LINGO2: variants seen among roughly 807,000 people sequenced by gnomAD.
The protein encoded by LINGO2 is leucine-rich repeat and immunoglobulin-like domain-containing nogo receptor-interacting protein 2.
In LINGO2, 14 loss-of-function variants were observed where a neutral mutation model predicts 30.6. The observed-to-expected ratio is 0.46, with a 90% CI of 0.30 to 0.72. The LOEUF (loss-of-function observed/expected upper bound fraction) is 0.72, where lower values mean the gene tolerates loss of function less well. Ranked by LOEUF, LINGO2 falls within the 30% of genes least tolerant of loss-of-function variation. The probability of loss-of-function intolerance (pLI) is 0.07; values close to 1 mark genes in which losing one functional copy is unlikely to be tolerated. For synonymous variants in LINGO2, 317 were observed against 288.5 expected, an observed-to-expected ratio of 1.10 and a Z score of -1.00; for missense variants, 729 against 751.7, an observed-to-expected ratio of 0.97 and a Z score of 0.35.
chr9:28,426,263 T>C (rs545237157), intron 2 of LINGO2, among the ~76,000 whole-genome samples: 2 of 152,168 alleles, frequency 1.3e-5, no homozygotes, highest in East Asian at 1.9e-4. Flanking sequence ...TCCCTCCCTA[T>C]AGGTTTGCCT....
intron 4 of LINGO2, among the ~76,000 whole-genome samples, chr9:28,107,125 A>G (rs1024517588): frequency 6.6e-6 from 1 of 151,998 alleles, no homozygotes; most frequent in African/African-American, 2.4e-5. Context: ...GCTGCCTTCT[A>G]TTATACGTTC....
At position 28,637,137 on chromosome 9, in the gene LINGO2, T is replaced by G. The variant is rs759744369; in HGVS notation, c.-365+33063A>C. 2.8e-4 allele frequency among the ~76,000 whole-genome samples: 43 copies of G among 152,176 alleles called. 2 individuals carry two copies. Among genetic ancestry groups the G allele is most frequent in the Non-Finnish European group, 5.1e-4 (35 of 68,028 alleles). ...GTCAAAGATCAGATGGTTGTAGATATGTGGCATTATTTTTCAGGGCTCTGT... is the reference window on the plus strand; with the variant it reads ...GTCAAAGATCAGATGGTTGTAGATAGGTGGCATTATTTTTCAGGGCTCTGT... On this transcript the variant is annotated intron_variant, in intron 1 of 5. Coordinates refer to ENST00000379992, the Ensembl canonical transcript of LINGO2.
At chr9:28,813,827 T>C in the LINGO2 span, among the ~76,000 whole-genome samples, 1 of 152,152 alleles carries the variant, frequency 6.6e-6, no homozygotes, top group African/African-American at 2.4e-5. Context: ...GATCTAGCCA[T>C]GCAAAGGGTT....
chr9:28,640,018 G>C (rs377455440), intron 1 of LINGO2, among the ~76,000 whole-genome samples: 4 of 152,058 alleles, frequency 2.6e-5, no homozygotes, highest in South Asian at 2.1e-4. Flanking sequence ...CAGGCCTGGT[G>C]GTGACAAAAT....
chr9:29,067,626 G>A, the LINGO2 span, among the ~76,000 whole-genome samples: 1 of 151,372 alleles, frequency 6.6e-6, no homozygotes, highest in African/African-American at 2.4e-5. Context: ...AGTGTGCTAT[G>A]TTGGAAATAC....
At chr9:28,536,442 A>G (rs960909371) in intron 1 of LINGO2, among the ~76,000 whole-genome samples, 1 of 152,128 alleles carries the variant, frequency 6.6e-6, no homozygotes, top group African/African-American at 2.4e-5. Context: ...CTGCAAAAAT[A>G]TAGCTGCCAT....
chr9:28,914,634 G>C, the LINGO2 span, among the ~76,000 whole-genome samples: 1 of 151,980 alleles, frequency 6.6e-6, no homozygotes, highest in Admixed American at 6.6e-5. Flanking sequence ...ATATTTGCAG[G>C]ATGTGAAACC....
At chr9:28,529,606 C>CTTTT (rs201066699) in intron 1 of LINGO2, among the ~76,000 whole-genome samples, 7 of 125,304 alleles carry the variant, frequency 5.6e-5, no homozygotes, top group African/African-American at 2.0e-4. Flanking sequence ...ATTGCAAATA[C>CTTTT]TTTTTTTTTT....
intron 4 of LINGO2, among the ~76,000 whole-genome samples, chr9:28,206,060 G>C (rs1820397068): frequency 6.6e-6 from 1 of 151,324 alleles, no homozygotes; most frequent in Non-Finnish European, 1.5e-5. Flanking sequence ...AGTTACTCAG[G>C]AGGCTGAGGT....
At chr9:28,394,373 T>G (rs912711212) in intron 2 of LINGO2, among the ~76,000 whole-genome samples, 2 of 152,138 alleles carry the variant, frequency 1.3e-5, no homozygotes, top group African/African-American at 4.8e-5. Flanking sequence ...TTTTCCATCA[T>G]CCAAACAGAA....
At chr9:29,099,781 G>T in the LINGO2 span, among the ~76,000 whole-genome samples, 16 of 152,086 alleles carry the variant, frequency 1.1e-4, no homozygotes, top group African/African-American at 3.9e-4. Context: ...AATTGTGGGT[G>T]GAAATGTAAA....
At chr9:28,587,959 A>G (rs1824650169) in intron 1 of LINGO2, among the ~76,000 whole-genome samples, 1 of 152,022 alleles carries the variant, frequency 6.6e-6, no homozygotes, top group African/African-American at 2.4e-5. Flanking sequence ...GAATTGCTGT[A>G]GTAGGCACTG....
At chr9:28,707,962 C>T in the LINGO2 span, among the ~76,000 whole-genome samples, 1 of 152,026 alleles carries the variant, frequency 6.6e-6, no homozygotes, top group Non-Finnish European at 1.5e-5. Flanking sequence ...TGAACTCATT[C>T]ACTGTTAAGT....
chr9:29,148,907 A>G, the LINGO2 span, among the ~76,000 whole-genome samples: 29,671 of 152,116 alleles, frequency 0.2, 3,074 homozygotes, highest in East Asian at 0.33. Flanking sequence ...TGTTTTTCAA[A>G]TATTTAAGGC....
the LINGO2 span, among the ~76,000 whole-genome samples, chr9:29,083,594 AG>A: frequency 6.6e-6 from 1 of 151,990 alleles, no homozygotes; most frequent in Admixed American, 6.6e-5. Context: ...AATAAAAAAA[AG>A]AAGAATGCAC....
At chr9:28,310,247 G>A (rs1469771784) in intron 3 of LINGO2, among the ~76,000 whole-genome samples, 1 of 152,070 alleles carries the variant, frequency 6.6e-6, no homozygotes, top group Non-Finnish European at 1.5e-5. Context: ...GTCGTTCCTA[G>A]AAACTTTTTT....
chr9:28,401,226 G>T (rs1822251216), intron 2 of LINGO2, among the ~76,000 whole-genome samples: 1 of 151,754 alleles, frequency 6.6e-6, no homozygotes, highest in Admixed American at 6.6e-5. Flanking sequence ...TGTTACATAG[G>T]TATATTTGTA....
At chr9:28,468,417 G>A (rs1020578974) in intron 2 of LINGO2, among the ~76,000 whole-genome samples, 1 of 152,192 alleles carries the variant, frequency 6.6e-6, no homozygotes, top group Non-Finnish European at 1.5e-5. Context: ...TCTTAGGCTA[G>A]AAACCATGTA....
chr9:28,306,655 G>C lies in LINGO2; in HGVS notation c.-245-11289C>G, dbSNP rs201200616. 5.2e-4 allele frequency among the ~76,000 whole-genome samples: 79 copies of C among 152,070 alleles called. No homozygotes were observed. In the East Asian group the frequency reaches 9.7e-3, roughly 19 times the overall value. On this transcript the variant is annotated intron_variant, in intron 3 of 5. Transcript: ENST00000379992. ...GAATCCAGGAGCTGGTTTTTTGAAA[G>C]GATCAACAAAATTGATAGACCGCTA...
Sources: gnomAD v4.1 joint callset for allele counts (sites outside exome capture counted in the v4.1 genomes callset) on GRCh38, gnomAD v4.1.1 for gene constraint, MANE v1.5 for transcripts, NCBI Gene and HGNC (gene_info 2026-07-23, HGNC 2026-07-21) for gene names.